The following CACNA2D3 variants were observed in gnomAD, a reference collection of about 807,000 sequenced individuals.
CACNA2D3 encodes the protein voltage-dependent calcium channel subunit alpha-2/delta-3.
A neutral mutation model predicts 160.6 loss-of-function variants in CACNA2D3; 60 were observed. That is an observed-to-expected ratio of 0.37 (90% CI 0.30 to 0.46). CACNA2D3 has a LOEUF of 0.46. Ranked by LOEUF, CACNA2D3 falls within the 20% of genes least tolerant of loss-of-function variation. The probability of loss-of-function intolerance (pLI) is 1.00; values close to 1 mark genes in which losing one functional copy is unlikely to be tolerated. For missense variants in CACNA2D3, 1,205 were observed against 1,365.0 expected, an observed-to-expected ratio of 0.88 and a Z score of 1.85; for synonymous variants, 558 against 492.9, an observed-to-expected ratio of 1.13 and a Z score of -1.75.
At chr3:54,417,766 G>A (rs1395787967) in intron 4 of CACNA2D3, among the ~76,000 whole-genome samples, 2 of 133,248 alleles carry the variant, frequency 1.5e-5, no homozygotes, top group Non-Finnish European at 3.1e-5. Flanking sequence ...GTTCATGTTT[G>A]TTGTGGTGTG....
intron 3 of CACNA2D3, among the ~76,000 whole-genome samples, chr3:54,362,368 G>A (rs889638532): frequency 1.3e-4 from 20 of 152,312 alleles, no homozygotes; most frequent in African/African-American, 3.4e-4. Context: ...CTCAGAGGCC[G>A]CCTTCAAGTC....
intron 11 of CACNA2D3, among the ~76,000 whole-genome samples, chr3:54,732,625 C>G (rs1179184538): frequency 6.6e-6 from 1 of 152,174 alleles, no homozygotes; most frequent in Non-Finnish European, 1.5e-5. Context: ...TAAGCCATTT[C>G]CCCTGTGCCT....
At chr3:54,676,460 C>T (rs928953581) in intron 11 of CACNA2D3, among the ~76,000 whole-genome samples, 10 of 152,064 alleles carry the variant, frequency 6.6e-5, no homozygotes, top group Non-Finnish European at 1.2e-4. Context: ...TTGTTCAAAC[C>T]CTCCTGTTAG....
chr3:54,289,661 A>C (rs141708569), intron 2 of CACNA2D3, among the ~76,000 whole-genome samples: 21 of 152,294 alleles, frequency 1.4e-4, no homozygotes, highest in African/African-American at 4.1e-4. Flanking sequence ...CAAACTATAC[A>C]ACAAGGCTAC....
intron 35 of CACNA2D3, among the ~76,000 whole-genome samples, chr3:55,054,286 T>G (rs1045884232): frequency 6.6e-6 from 1 of 151,812 alleles, no homozygotes; most frequent in Non-Finnish European, 1.5e-5. Context: ...TTAGACTACT[T>G]GGTACTATTT....
intron 9 of CACNA2D3, among the ~76,000 whole-genome samples, chr3:54,597,609 G>T (rs1702980099): frequency 6.6e-6 from 1 of 152,186 alleles, no homozygotes; most frequent in South Asian, 2.1e-4. Context: ...AGGGTAAAAG[G>T]AAGAGTGATG....
chr3:54,425,917 C>A (rs1487780545), intron 4 of CACNA2D3, among the ~76,000 whole-genome samples: 1 of 152,150 alleles, frequency 6.6e-6, no homozygotes, highest in Non-Finnish European at 1.5e-5. Flanking sequence ...ACAGATGGGC[C>A]CTTTGGTAGC....
intron 3 of CACNA2D3, among the ~76,000 whole-genome samples, chr3:54,342,159 C>T (rs1249844731): frequency 6.6e-6 from 1 of 152,080 alleles, no homozygotes; most frequent in African/African-American, 2.4e-5. Flanking sequence ...AGTACTATAG[C>T]AGTAGTATAA....
rs577946376 is a variant in CACNA2D3 at position 54,280,995 on chromosome 3, G to T, written c.205-39447G>T. On this transcript the variant is annotated intron_variant, in intron 2 of 37. Transcript: ENST00000474759. Reference sequence around the variant, plus strand: ...GAACTCCCAGAGAATGAGGACTGTGGCTATACTGTTTATTCCTCTGTCTTC... The same window carrying T: ...GAACTCCCAGAGAATGAGGACTGTGTCTATACTGTTTATTCCTCTGTCTTC... Among the ~76,000 whole-genome samples the T allele has an allele frequency of 2.6e-5, 4 of 152,144 alleles. No individual in the cohort carries two copies. In the South Asian group the frequency reaches 8.3e-4, roughly 32 times the overall value.
intron 35 of CACNA2D3, among the ~76,000 whole-genome samples, chr3:55,042,267 G>A (rs1703973782): frequency 6.6e-6 from 1 of 152,036 alleles, no homozygotes; most frequent in South Asian, 2.1e-4. Flanking sequence ...CTACAATTGT[G>A]GATCTACGTC....
chr3:54,467,721 G>A (rs1700653713), intron 4 of CACNA2D3, among the ~76,000 whole-genome samples: 1 of 152,178 alleles, frequency 6.6e-6, no homozygotes, highest in African/African-American at 2.4e-5. Flanking sequence ...CCAGAGGATG[G>A]GAGGGTACAG....
At chr3:54,813,257 A>G (rs1703366896) in intron 13 of CACNA2D3, among the ~76,000 whole-genome samples, 2 of 152,122 alleles carry the variant, frequency 1.3e-5, no homozygotes, top group African/African-American at 4.8e-5. Context: ...CATGGAGTAA[A>G]TGAGGAAATA....
At chr3:54,172,461 G>A (rs563417244) in intron 2 of CACNA2D3, among the ~76,000 whole-genome samples, 4 of 152,198 alleles carry the variant, frequency 2.6e-5, no homozygotes, top group East Asian at 1.9e-4. Context: ...ATGTGGTCTC[G>A]CTTCCTGAAT....
At chr3:54,771,469 C>T (rs569585649) in intron 13 of CACNA2D3, among the ~76,000 whole-genome samples, 6 of 152,176 alleles carry the variant, frequency 3.9e-5, no homozygotes, top group Non-Finnish European at 8.8e-5. Context: ...CTCTTCTAAG[C>T]TCATTCAGCT....
chr3:54,479,312 C>T (rs1013032411), intron 4 of CACNA2D3, among the ~76,000 whole-genome samples: 1 of 152,126 alleles, frequency 6.6e-6, no homozygotes, highest in African/African-American at 2.4e-5. Context: ...ATTACCCAGT[C>T]TCAGGTATGT....
In CACNA2D3 at chr3:54,984,666, C is replaced by A. The variant is rs753907016; in HGVS notation, c.2615C>A (p.Thr872Lys). 3 of 1,557,670 alleles carry A rather than the reference C, an allele frequency of 1.9e-6. No homozygotes were observed. Among genetic ancestry groups the A allele is most frequent in the Admixed American group, 1.9e-5 (1 of 53,502 alleles). ...TTTATTTTGGTGTCTGAAGACTACA[C>A]ACAGGTGAGTGAAAATTTTCTACCA... ...NGFILVSEDY[T>K]QTGDFFGEIE... The change falls in exon 30 of 38, where the codon ACA (threonine) becomes AAA (lysine). Residue 872 changes from threonine to lysine, a missense_variant. Coordinates refer to ENST00000474759, the MANE Select transcript of CACNA2D3 (RefSeq NM_018398.3).
At chr3:54,209,632 A>G (rs56334444) in intron 2 of CACNA2D3, among the ~76,000 whole-genome samples, 29,465 of 152,174 alleles carry the variant, frequency 0.19, 3,828 homozygotes, top group East Asian at 0.53. Context: ...AGCCGTAGTC[A>G]GTAATGGTAG....
At chr3:54,278,515 T>C (rs1274322725) in intron 2 of CACNA2D3, among the ~76,000 whole-genome samples, 1 of 152,202 alleles carries the variant, frequency 6.6e-6, no homozygotes, top group South Asian at 2.1e-4. Flanking sequence ...TAAATCATTC[T>C]ACTGTAAAGA....
chr3:54,582,971 G>A (rs1438744635), intron 9 of CACNA2D3, among the ~76,000 whole-genome samples: 1 of 152,198 alleles, frequency 6.6e-6, no homozygotes, highest in Non-Finnish European at 1.5e-5. Context: ...ATATTTAGGA[G>A]GGAGGAACCA....
Sources: gnomAD v4.1 joint callset for allele counts (sites outside exome capture counted in the v4.1 genomes callset) on GRCh38, gnomAD v4.1.1 for gene constraint, MANE v1.5 for transcripts, NCBI Gene and HGNC (gene_info 2026-07-23, HGNC 2026-07-21) for gene names.